The following AGBL1 variants were observed in gnomAD, a reference collection of about 807,000 sequenced individuals.
The protein encoded by AGBL1 is cytosolic carboxypeptidase 4.
In AGBL1, 130 loss-of-function variants were observed where a neutral mutation model predicts 118.9. The ratio of observed to expected loss-of-function variants is 1.09; its 90% CI spans 0.95 to 1.26. AGBL1 has a LOEUF of 1.26. Among genes scored for constraint, AGBL1 ranks in the 50% most tolerant of loss-of-function variants. The pLI, the probability that AGBL1 is intolerant of heterozygous loss-of-function variation, is 0.00. For synonymous variants in AGBL1, 555 were observed against 478.9 expected (o/e 1.16, Z -2.08); for missense variants, 1,584 against 1,298.1 (o/e 1.22, Z -3.38).
At chr15:86,314,753 T>G (rs1284478752) in intron 17 of AGBL1, among the ~76,000 whole-genome samples, 1 of 152,144 alleles carries the variant, frequency 6.6e-6, no homozygotes, top group Non-Finnish European at 1.5e-5. Context: ...AGCACCTCAC[T>G]CAGAAACCAG....
chr15:86,539,177 A>G (rs991714215), intron 19 of AGBL1, among the ~76,000 whole-genome samples: 9 of 152,228 alleles, frequency 5.9e-5, no homozygotes, highest in Admixed American at 5.2e-4. Context: ...CTCCAGCTCA[A>G]AGGAAACTAG....
At chr15:86,310,376 A>C (rs1040172946) in intron 17 of AGBL1, among the ~76,000 whole-genome samples, 1 of 151,728 alleles carries the variant, frequency 6.6e-6, no homozygotes, top group South Asian at 2.1e-4. Flanking sequence ...GCAACTCTTA[A>C]TTTCATTGAT....
At chr15:86,536,101 A>T (rs551898767) in intron 19 of AGBL1, among the ~76,000 whole-genome samples, 1 of 152,196 alleles carries the variant, frequency 6.6e-6, no homozygotes, top group African/African-American at 2.4e-5. Flanking sequence ...TTCCCATGCT[A>T]TCAGAATGAA....
At chr15:86,552,238 G>A (rs192414952) in intron 20 of AGBL1, among the ~76,000 whole-genome samples, 170 of 152,244 alleles carry the variant, frequency 1.1e-3, no homozygotes, top group Non-Finnish European at 8.2e-4. Flanking sequence ...GTACAGGAGT[G>A]GGGGGCATAT....
intron 9 of AGBL1, 171 bp from the exon 10 acceptor site, chr15:86,262,607 T>C: frequency 1.5e-6 from 1 of 679,340 alleles, no homozygotes; most frequent in Non-Finnish European, 2.7e-6. Context: ...TCTTTTTATT[T>C]TAAAAATACA....
intron 22 of AGBL1, among the ~76,000 whole-genome samples, chr15:86,776,867 T>G (rs7183366): frequency 1.7e-3 from 250 of 151,460 alleles, no homozygotes; most frequent in Non-Finnish European, 2.8e-3. Context: ...CACGGGAGTA[T>G]GTATTATTTT....
intron 17 of AGBL1, among the ~76,000 whole-genome samples, chr15:86,386,993 T>C (rs2081206841): frequency 2.6e-5 from 4 of 152,224 alleles, no homozygotes; most frequent in Admixed American, 2.6e-4. Flanking sequence ...TAATTGCACC[T>C]ATCTACTCAG....
intron 21 of AGBL1, among the ~76,000 whole-genome samples, chr15:86,561,382 C>A (rs943068725): frequency 6.6e-6 from 1 of 152,202 alleles, no homozygotes; most frequent in African/African-American, 2.4e-5. Context: ...GTCTGGCTAG[C>A]CAGTTTTCCC....
intron 23 of AGBL1, among the ~76,000 whole-genome samples, chr15:86,964,301 T>C (rs2081027296): frequency 6.6e-6 from 1 of 151,888 alleles, no homozygotes; most frequent in African/African-American, 2.4e-5. Context: ...CTATGTATTG[T>C]AGGATAATTC....
Position 86,143,549 on chromosome 15 carries a change from T to C in AGBL1, c.116-150T>C, listed in dbSNP as rs2076992515. 5 of 945,830 alleles carry C rather than the reference T, an allele frequency of 5.3e-6. No homozygotes were observed. In the South Asian group the frequency reaches 6.9e-5, roughly 13 times the overall value. The allele number at this position is 945,830 out of a possible 1,614,324, so 58.6% of individuals were successfully genotyped here. A position where few individuals can be genotyped will look rare whatever the true frequency, so the allele number is the denominator to read the frequency against. Reference sequence around the variant, plus strand: ...CTCTTCCCTTAACTGATAGTACAACTTTAACACAGGTTGCTTCAAGAACTA... The same window carrying C: ...CTCTTCCCTTAACTGATAGTACAACCTTAACACAGGTTGCTTCAAGAACTA... On this transcript the variant is annotated intron_variant, in intron 2 of 22. Transcript: ENST00000614907.
intron 18 of AGBL1, among the ~76,000 whole-genome samples, chr15:86,439,145 TCTC>T (rs911835119): frequency 2.7e-4 from 41 of 152,124 alleles, no homozygotes; most frequent in African/African-American, 9.9e-4. Context: ...CAGCATCTCA[TCTC>T]CTGCTTGTTT....
chr15:86,765,723 C>G lies in AGBL1; in HGVS notation c.3158+91287C>G, dbSNP rs541039395. Among the ~76,000 whole-genome samples, 6 of 151,948 alleles carry G rather than the reference C, an allele frequency of 3.9e-5. No individual in the cohort carries two copies. The East Asian group carries it at 1.2e-3, about 30-fold the overall frequency. ...TTTTTTTAAAAATTTTTAAAAACATCTCTGTCATGGCAGTGTAGATGTTAT... is the reference window on the plus strand; with the variant it reads ...TTTTTTTAAAAATTTTTAAAAACATGTCTGTCATGGCAGTGTAGATGTTAT... On this transcript the variant is annotated intron_variant, in intron 22 of 22. Coordinates refer to ENST00000614907, the MANE Select transcript of AGBL1 (RefSeq NM_001386094.1).
intron 17 of AGBL1, among the ~76,000 whole-genome samples, chr15:86,383,588 AAAAAAT>A (rs932427872): frequency 2.0e-4 from 30 of 152,308 alleles, no homozygotes; most frequent in African/African-American, 6.0e-4. Context: ...CTCCATCTCA[AAAAAAT>A]AAAAATAAAA....
chr15:86,335,419 T>C (rs530138200), intron 17 of AGBL1, among the ~76,000 whole-genome samples: 145 of 152,298 alleles, frequency 9.5e-4, no homozygotes, highest in Non-Finnish European at 1.6e-3. Context: ...ATTACAGGTG[T>C]GACCCACCAT....
rs141816592 is a variant in AGBL1 at position 86,306,833 on chromosome 15, G to A, written c.2374+11425G>A. On this transcript the variant is annotated intron_variant, in intron 17 of 22. Transcript: ENST00000614907. Reference sequence around the variant, plus strand: ...CATACTCTCAACAGCATTTGTTATTGCCTGTCTTTTGGATAAAAGCCATTT... The same window carrying A: ...CATACTCTCAACAGCATTTGTTATTACCTGTCTTTTGGATAAAAGCCATTT... Among the ~76,000 whole-genome samples the A allele has an allele frequency of 1.4e-3, 219 of 152,118 alleles. 4 individuals carry two copies. In the East Asian group the frequency reaches 0.035, roughly 24 times the overall value.
At chr15:86,099,862 G>A (rs553382886) in intron 1 of AGBL1, among the ~76,000 whole-genome samples, 1 of 152,102 alleles carries the variant, frequency 6.6e-6, no homozygotes, top group East Asian at 1.9e-4. Flanking sequence ...AGTACTTTCA[G>A]TACTATGTTG....
chr15:86,156,909 C>T (rs1328227412), intron 4 of AGBL1, among the ~76,000 whole-genome samples: 1 of 151,542 alleles, frequency 6.6e-6, no homozygotes, highest in African/African-American at 2.4e-5. Context: ...CGTGCCTTAG[C>T]CTCCCGACTA....
At chr15:86,264,978 G>GGC in intron 11 of AGBL1, 140 bp downstream of exon 11, 1 of 842,952 alleles carries the variant, frequency 1.2e-6, no homozygotes, top group Non-Finnish European at 1.7e-6. Context: ...TTGGCAAACT[G>GGC]GCCAAACACA....
intron 18 of AGBL1, among the ~76,000 whole-genome samples, chr15:86,504,282 T>C (rs1484821617): frequency 1.3e-5 from 2 of 151,616 alleles, no homozygotes; most frequent in Non-Finnish European, 3.0e-5. Context: ...CTTTTCCTTC[T>C]TTTAACCCAT....
Sources: allele counts gnomAD v4.1 joint callset (sites outside exome capture counted in the v4.1 genomes callset), GRCh38; gene constraint gnomAD v4.1.1; transcripts MANE v1.5; gene names NCBI Gene and HGNC (gene_info 2026-07-23, HGNC 2026-07-21).